The following SNRNP200 variants were observed in gnomAD, a reference collection of about 807,000 sequenced individuals.
SNRNP200 encodes U5 small nuclear ribonucleoprotein 200 kDa helicase.
Under a neutral mutation model 255.2 loss-of-function variants are expected in SNRNP200, and 66 were observed. The observed-to-expected ratio is 0.26, with a 90% CI of 0.21 to 0.32. SNRNP200 has a LOEUF of 0.32. SNRNP200 is among the 10% of genes least tolerant of loss of function. SNRNP200 has a pLI of 1.00. For missense variants in SNRNP200, 1,585 were observed against 2,749.8 expected (o/e 0.58, Z 9.47); for synonymous variants, 939 against 1,027.8 (o/e 0.91, Z 1.65).
intron 9 of SNRNP200, 53 bp from the exon 10 acceptor site, chr2:96,297,773 T>A: frequency 1.3e-6 from 2 of 1,599,896 alleles, no homozygotes; most frequent in Non-Finnish European, 8.6e-7. Flanking sequence ...TATCATAGGT[T>A]CTTGTCCTTT....
intron 1 of SNRNP200, 94 bp downstream of exon 1, chr2:96,305,299 C>G (rs1385599554): frequency 6.6e-7 from 1 of 1,512,364 alleles, no homozygotes; most frequent in Non-Finnish European, 9.2e-7. Flanking sequence ...TTTCGTGGCT[C>G]TCCTGTAGGC....
chr2:96,302,574 G>A (rs570496731), intron 3 of SNRNP200, among the ~76,000 whole-genome samples: 1 of 152,090 alleles, frequency 6.6e-6, no homozygotes, highest in Admixed American at 6.5e-5. Context: ...ATTCAATTCC[G>A]TTCCAACACT....
At position 96,278,487 on chromosome 2, in the gene SNRNP200, G is replaced by T. The variant is rs1684707367; in HGVS notation, c.5488+60C>A. The stretch of plus-strand genomic sequence containing the variant: ...CACGGGCGCACCTCTCATCCCAGTG[G>T]GCTCCTGACCCGTGTAAAAAGGCTC... On this transcript the variant is annotated intron_variant, in intron 38 of 44. Coordinates refer to ENST00000323853, the MANE Select transcript of SNRNP200 (RefSeq NM_014014.5). This position sits in a 1 kb window ranked among gnomAD's most constrained non-coding sequence, Gnocchi z 6.9. The T allele has an allele frequency of 6.2e-7, 1 of 1,611,050 alleles. No individual in the cohort carries two copies. The highest frequency in any genetic ancestry group is 2.2e-5 in the East Asian group (1 of 44,894).
chr2:96,291,950 G>C lies in SNRNP200; in HGVS notation c.2161-50C>G. 1 of 1,605,050 alleles carries C rather than the reference G, an allele frequency of 6.2e-7. No individual in the cohort carries two copies. Among genetic ancestry groups the C allele is most frequent in the Non-Finnish European group, 8.5e-7 (1 of 1,176,592 alleles). On this transcript the variant is annotated intron_variant, in intron 16 of 44. Transcript: ENST00000323853. This position sits in a 1 kb window ranked among gnomAD's most constrained non-coding sequence, Gnocchi z 4.2. ...CAGTCACGAGATACTCACAGCCCCA[G>C]GGCACCTGCAGCAGGAAGCAGAAGT... is the stretch of plus-strand genomic sequence containing the variant.
Position 96,290,306 on chromosome 2 carries a change from A to C in SNRNP200, c.2742+20T>G, listed in dbSNP as rs758905355. The C allele has an allele frequency of 1.5e-5, 24 of 1,612,852 alleles. No individual in the cohort carries two copies. The South Asian group carries it at 2.5e-4, about 17-fold the overall frequency. ...TGTCTGCGGGGAAAGCATGAAGCACAACAAGCAGTCCTCCCCTACCTTGGC... is the reference window on the plus strand; with the variant it reads ...TGTCTGCGGGGAAAGCATGAAGCACCACAAGCAGTCCTCCCCTACCTTGGC... On this transcript the variant is annotated intron_variant, in intron 20 of 44. Coordinates refer to ENST00000323853, the MANE Select transcript of SNRNP200 (RefSeq NM_014014.5). The surrounding 1 kb of genome is among the most constrained non-coding windows in gnomAD (Gnocchi z 4.5).
At chr2:96,302,440 A>G (rs144959961) in intron 3 of SNRNP200, among the ~76,000 whole-genome samples, 250 of 152,332 alleles carry the variant, frequency 1.6e-3, no homozygotes, top group African/African-American at 5.4e-3. Context: ...GAATACTGAA[A>G]TAAAGCAAAC....
rs1355477462 is a variant in SNRNP200, at chr2:96,277,440, G to C, written c.5931+99C>G. On this transcript the variant is annotated intron_variant, in intron 41 of 44. Coordinates refer to ENST00000323853, the MANE Select transcript of SNRNP200 (RefSeq NM_014014.5). This position sits in a 1 kb window ranked among gnomAD's most constrained non-coding sequence, Gnocchi z 4.4. ...ACCTTCGGAGGAACCATAACTAAAA[G>C]TTTAACTTACTGAGACTCACCTCCC... is the stretch of plus-strand genomic sequence containing the variant. 2.0e-6 allele frequency: 3 copies of C among 1,466,412 alleles called. No homozygotes were observed. In the African/African-American group the frequency reaches 4.2e-5, roughly 20 times the overall value. 90.8% of individuals were successfully genotyped at this position (1,466,412 alleles called of 1,614,324 possible). A position where few individuals can be genotyped will look rare whatever the true frequency, so the allele number is the denominator to read the frequency against.
At chr2:96,279,616 A>C in intron 35 of SNRNP200, 57 bp from the exon 36 acceptor site, 15 of 1,142,692 alleles carry the variant, frequency 1.3e-5, no homozygotes, top group Non-Finnish European at 1.8e-5. Context: ...GACCATGCTC[A>C]GGAAGCCCAA....
rs1171317983 is a variant in SNRNP200, at chr2:96,290,021, T to C, written c.2743-25A>G. The C allele has an allele frequency of 2.5e-6, 4 of 1,610,520 alleles. No homozygotes were observed. In the African/African-American group the frequency reaches 4.0e-5, roughly 16 times the overall value. The stretch of plus-strand genomic sequence containing the variant: ...CCTACAAGACACAGCTCATGGTTCT[T>C]AGCATGGAGAAACTCTTGATGTCCA... On this transcript the variant is annotated intron_variant, in intron 20 of 44. Coordinates refer to ENST00000323853, the MANE Select transcript of SNRNP200 (RefSeq NM_014014.5). The surrounding 1 kb of genome is among the most constrained non-coding windows in gnomAD (Gnocchi z 4.5).
Position 96,290,263 on chromosome 2 carries a change from C to T in SNRNP200, c.2742+63G>A. 6.4e-7 allele frequency: 1 copy of T among 1,567,172 alleles called. No individual in the cohort carries two copies. The highest frequency in any genetic ancestry group is 8.8e-7 in the Non-Finnish European group (1 of 1,139,066). On this transcript the variant is annotated intron_variant, in intron 20 of 44. Coordinates refer to ENST00000323853, the MANE Select transcript of SNRNP200 (RefSeq NM_014014.5). The surrounding 1 kb of genome is among the most constrained non-coding windows in gnomAD (Gnocchi z 4.5). ...GGCCCGCAGCACAATAGGGACCGAC[C>T]CACTCCTGGTGCCTTGGTGTCTGCG...
chr2:96,283,774 TGTGACA>T lies in SNRNP200; in HGVS notation c.4584+33_4584+38del. The T allele has an allele frequency of 3.7e-6, 6 of 1,613,924 alleles. No individual in the cohort carries two copies. The highest frequency in any genetic ancestry group is 5.1e-6 in the Non-Finnish European group (6 of 1,179,878). On this transcript the variant is annotated intron_variant, in intron 32 of 44. Coordinates refer to ENST00000323853, the MANE Select transcript of SNRNP200 (RefSeq NM_014014.5). The surrounding 1 kb of genome is among the most constrained non-coding windows in gnomAD (Gnocchi z 4.7). ...TCAGACCTGGGTCACTCAGGATCTA[TGTGACA>T]CCCCACAGACGGATGAGGAGAGTGG...
chr2:96,287,343 G>A lies in SNRNP200; in HGVS notation c.3484+96C>T. ...AGTGGGACTTGGGGAGTGAACACAGGATACTAATGCACAGGCCTAGGAACA... is the reference window on the plus strand; with the variant it reads ...AGTGGGACTTGGGGAGTGAACACAGAATACTAATGCACAGGCCTAGGAACA... On this transcript the variant is annotated intron_variant, in intron 26 of 44. Transcript: ENST00000323853. The surrounding 1 kb of genome is among the most constrained non-coding windows in gnomAD (Gnocchi z 5.7). The A allele has an allele frequency of 8.5e-7, 1 of 1,172,724 alleles. No homozygotes were observed. Among genetic ancestry groups the A allele is most frequent in the South Asian group, 1.2e-5 (1 of 81,570 alleles). The allele number at this position is 1,172,724 out of a possible 1,614,324, so 72.6% of individuals were successfully genotyped here.
At chr2:96,295,441 G>A (rs371054509) in intron 14 of SNRNP200, 47 bp downstream of exon 14, 64 of 1,607,658 alleles carry the variant, frequency 4.0e-5, no homozygotes, top group Middle Eastern at 1.9e-4. Flanking sequence ...CAGCAAACCC[G>A]CCCTGACACA....
Position 96,276,909 on chromosome 2 carries a change from G to C in SNRNP200, c.6169C>G (p.Pro2057Ala). The change falls in exon 43 of 45, where the codon CCG (proline) becomes GCG (alanine). Residue 2057 changes from proline to alanine, a missense_variant. Around this residue, in one of 9 missense-constraint regions of SNRNP200, gnomAD observed 279 missense variants for 551.2 expected, o/e 0.51. Coordinates refer to ENST00000323853, the MANE Select transcript of SNRNP200 (RefSeq NM_014014.5). ...VTGPVIAPLF[P>A]QKREEGWWVV... The stretch of plus-strand genomic sequence containing the variant: ...AGCCAGCTACCAGGACGCACCTGCG[G>C]GAAGAGAGGCGCAATGACAGGGCCT... 6.2e-7 allele frequency: 1 copy of C among 1,614,128 alleles called. No individual in the cohort carries two copies. Among genetic ancestry groups the C allele is most frequent in the Non-Finnish European group, 8.5e-7 (1 of 1,180,032 alleles).
At position 96,283,704 on chromosome 2, in the gene SNRNP200, T is replaced by C. The variant is rs771740670; in HGVS notation, c.4594A>G (p.Ile1532Val). 6 of 1,614,026 alleles carry C rather than the reference T, an allele frequency of 3.7e-6. No homozygotes were observed. In the East Asian group the frequency reaches 1.1e-4, roughly 30 times the overall value. Reference protein sequence around the residue: ...PLELHIQGFNISHTQTRLLSM... With the variant: ...PLELHIQGFNVSHTQTRLLSM... Reference sequence around the variant, plus strand: ...AGCAGGCGGGTTTGTGTATGGCTGATGTTGAAGCCCTGGCGACCGGGGAGA... The same window carrying C: ...AGCAGGCGGGTTTGTGTATGGCTGACGTTGAAGCCCTGGCGACCGGGGAGA... Residue 1532 changes from isoleucine (I) to valine (V), a missense_variant, in exon 33 of 45, where the codon ATC (isoleucine) becomes GTC (valine). Coordinates refer to ENST00000323853, the MANE Select transcript of SNRNP200 (RefSeq NM_014014.5). The surrounding 1 kb of genome is among the most constrained non-coding windows in gnomAD (Gnocchi z 4.7).
rs776675366 is a variant in SNRNP200, at chr2:96,278,351, G to A, written c.5496C>T (p.Phe1832=). The A allele has an allele frequency of 2.7e-5, 43 of 1,614,202 alleles. No individual in the cohort carries two copies. The highest frequency in any genetic ancestry group is 3.5e-5 in the Non-Finnish European group (41 of 1,180,038). ...TGGTCTTGGCATTGAGGGACATGCT[G>A]AAGAGCTCTGACAGAAAAAGGAAAT... ...YYINYTTIEL[F]SMSLNAKTKV... The change falls in exon 39 of 45, where the codon TTC becomes TTT. Residue 1832 remains phenylalanine (F), a synonymous_variant. Coordinates refer to ENST00000323853, the MANE Select transcript of SNRNP200 (RefSeq NM_014014.5). The surrounding 1 kb of genome is among the most constrained non-coding windows in gnomAD (Gnocchi z 6.9).
At position 96,287,945 on chromosome 2, in the gene SNRNP200, T is replaced by C; in HGVS notation, c.3283A>G (p.Ile1095Val). The C allele has an allele frequency of 2.5e-6, 4 of 1,614,194 alleles. No individual in the cohort carries two copies. Among genetic ancestry groups the C allele is most frequent in the Non-Finnish European group, 2.5e-6 (3 of 1,180,034 alleles). ...CCTCGGTTCAGGACAATTTCAAATA[T>C]CGCTCGCATCAACCGGCCAGCCGAC... ...TQSAGRLMRA[I>V]FEIVLNRGWA... Residue 1095 changes from isoleucine (I) to valine (V), a missense_variant, in exon 25 of 45, where the codon ATA becomes GTA. Transcript: ENST00000323853. The surrounding 1 kb of genome is among the most constrained non-coding windows in gnomAD (Gnocchi z 5.7).
At chr2:96,303,445 C>T (rs924216070) in intron 2 of SNRNP200, 115 bp from the exon 3 acceptor site, 2 of 1,234,740 alleles carry the variant, frequency 1.6e-6, no homozygotes, top group African/African-American at 3.0e-5. Context: ...TATCTGAAAA[C>T]AGGTATCTGA....
At chr2:96,285,559 A>G (rs912644030) in intron 29 of SNRNP200, among the ~76,000 whole-genome samples, 1 of 152,228 alleles carries the variant, frequency 6.6e-6, no homozygotes. Context: ...GGAAGAGGCC[A>G]AGATCAAGAG....
Sources: gnomAD v4.1 joint callset for allele counts (sites outside exome capture counted in the v4.1 genomes callset) on GRCh38, gnomAD v4.1.1 for gene constraint, gnomAD v4.1.1 regional missense constraint, Gnocchi (gnomAD v3.1) non-coding constraint, MANE v1.5 for transcripts, NCBI Gene and HGNC (gene_info 2026-07-23, HGNC 2026-07-21) for gene names.